NEGR1: variants seen among roughly 807,000 people sequenced by gnomAD.
The protein encoded by NEGR1 is IgLON family member 4.
NEGR1 carries 10 observed loss-of-function variants against 40.9 expected under a neutral mutation model. The ratio of observed to expected loss-of-function variants is 0.24; its 90% CI spans 0.15 to 0.42. The LOEUF is 0.42. NEGR1 is among the 10% of genes least tolerant of loss of function. NEGR1 has a pLI of 1.00. For missense variants in NEGR1, 352 were observed against 438.9 expected, an observed-to-expected ratio of 0.80 and a Z score of 1.77; for synonymous variants, 185 against 166.8, an observed-to-expected ratio of 1.11 and a Z score of -0.84.
At chr1:71,899,582 A>T (rs1661091290) in intron 2 of NEGR1, among the ~76,000 whole-genome samples, 1 of 152,210 alleles carries the variant, frequency 6.6e-6, no homozygotes, top group Non-Finnish European at 1.5e-5. Context: ...TCAGTTTTCC[A>T]GTATCTGCGT....
intron 2 of NEGR1, among the ~76,000 whole-genome samples, chr1:71,856,735 C>G (rs530310833): frequency 6.6e-6 from 1 of 152,018 alleles, no homozygotes; most frequent in African/African-American, 2.4e-5. Flanking sequence ...AAATACTCTA[C>G]AAAACCCCAA....
chr1:71,946,790 A>G (rs937926920), intron 1 of NEGR1, among the ~76,000 whole-genome samples: 4 of 152,040 alleles, frequency 2.6e-5, no homozygotes, highest in African/African-American at 9.7e-5. Context: ...ATATGATTGA[A>G]CAACTTTTAT....
intron 1 of NEGR1, among the ~76,000 whole-genome samples, chr1:72,231,089 T>A (rs760184054): frequency 1.3e-5 from 2 of 152,132 alleles, no homozygotes; most frequent in Non-Finnish European, 2.9e-5. Flanking sequence ...TGCATGAAAG[T>A]TGTTGGCTAG....
chr1:71,781,825 A>G (rs183473027), intron 2 of NEGR1, among the ~76,000 whole-genome samples: 3 of 152,296 alleles, frequency 2.0e-5, no homozygotes, highest in African/African-American at 7.2e-5. Context: ...TATGAGATCT[A>G]TTCTCCAAAT....
intron 4 of NEGR1, among the ~76,000 whole-genome samples, chr1:71,694,476 G>A (rs942556627): frequency 4.0e-5 from 6 of 151,572 alleles, no homozygotes; most frequent in African/African-American, 1.5e-4. Context: ...CTATAGTAAG[G>A]CTTTCTGTGA....
intron 3 of NEGR1, among the ~76,000 whole-genome samples, chr1:71,708,667 A>G (rs548596002): frequency 2.6e-5 from 4 of 152,092 alleles, no homozygotes; most frequent in African/African-American, 9.7e-5. Context: ...GTAAACATGT[A>G]TCATGGTAGT....
At chr1:71,477,150 A>C (rs1033937903) in intron 6 of NEGR1, among the ~76,000 whole-genome samples, 1 of 152,166 alleles carries the variant, frequency 6.6e-6, no homozygotes, top group African/African-American at 2.4e-5. Context: ...AAAATTGCTT[A>C]ACCAGTGCAG....
chr1:71,743,002 A>C (rs1175116021), intron 3 of NEGR1, among the ~76,000 whole-genome samples: 1 of 151,976 alleles, frequency 6.6e-6, no homozygotes, highest in African/African-American at 2.4e-5. Context: ...AAGAGAGGTT[A>C]TCTCTCTCTC....
At chr1:71,946,168 C>A (rs980134605) in intron 1 of NEGR1, among the ~76,000 whole-genome samples, 3 of 152,098 alleles carry the variant, frequency 2.0e-5, no homozygotes, top group African/African-American at 7.2e-5. Context: ...CCCGCCTTAG[C>A]CTCTCTCCAC....
At chr1:71,560,429 T>TATATATATATATATATA (rs1648410237) in intron 6 of NEGR1, among the ~76,000 whole-genome samples, 3 of 114,266 alleles carry the variant, frequency 2.6e-5, no homozygotes, top group Non-Finnish European at 3.7e-5. Flanking sequence ...TAATTCTCCA[T>TATATATATATATATATA]TATATATATA....
chr1:71,506,794 AAAAAACAAAAAC>A (rs756510628), intron 6 of NEGR1, among the ~76,000 whole-genome samples: 7 of 140,744 alleles, frequency 5.0e-5, no homozygotes, highest in African/African-American at 1.3e-4. Context: ...AGTGATGGAT[AAAAAACAAAAAC>A]AAAAACAAAA....
At chr1:71,500,948 C>A (rs1390218357) in intron 6 of NEGR1, among the ~76,000 whole-genome samples, 2 of 151,310 alleles carry the variant, frequency 1.3e-5, no homozygotes, top group Non-Finnish European at 3.0e-5. Context: ...TTATTGACTC[C>A]ACGAATGCAG....
At chr1:71,969,353 C>A (rs533101783) in intron 1 of NEGR1, among the ~76,000 whole-genome samples, 1 of 152,264 alleles carries the variant, frequency 6.6e-6, no homozygotes, top group East Asian at 1.9e-4. Context: ...CGTGCATATA[C>A]CATCATGTTC....
intron 1 of NEGR1, 112 bp from the exon 2 acceptor site, chr1:71,935,423 A>G (rs924938987): frequency 7.2e-6 from 5 of 695,888 alleles, no homozygotes; most frequent in African/African-American, 1.8e-5. Context: ...CATCAAATGC[A>G]AACATCAGAC....
At chr1:71,749,757 G>C (rs547772565) in intron 3 of NEGR1, among the ~76,000 whole-genome samples, 6 of 152,248 alleles carry the variant, frequency 3.9e-5, no homozygotes, top group African/African-American at 1.4e-4. Context: ...TTTAGAAGAG[G>C]CAATTAGTTG....
At chr1:71,442,637 T>A (rs540926216) in intron 6 of NEGR1, among the ~76,000 whole-genome samples, 40 of 152,102 alleles carry the variant, frequency 2.6e-4, no homozygotes, top group East Asian at 1.9e-4. Context: ...ATAAATAAAT[T>A]AATGAATTAA....
At chr1:71,512,350 T>C (rs1413399974) in intron 6 of NEGR1, among the ~76,000 whole-genome samples, 1 of 152,204 alleles carries the variant, frequency 6.6e-6, no homozygotes, top group Non-Finnish European at 1.5e-5. Context: ...GCAGATTATC[T>C]TGTGATAACA....
intron 1 of NEGR1, among the ~76,000 whole-genome samples, chr1:72,239,154 C>T (rs1557593027): frequency 6.6e-6 from 1 of 151,734 alleles, no homozygotes; most frequent in South Asian, 2.1e-4. Flanking sequence ...TTCAAAGATG[C>T]CAATGTCAAC....
chr1:71,511,330 A>G (rs1321889708), intron 6 of NEGR1, among the ~76,000 whole-genome samples: 1 of 152,218 alleles, frequency 6.6e-6, no homozygotes, highest in Non-Finnish European at 1.5e-5. Context: ...TCATGTATAA[A>G]TTGAGTTTTT....
Sources: allele counts gnomAD v4.1 joint callset (sites outside exome capture counted in the v4.1 genomes callset), GRCh38; gene constraint gnomAD v4.1.1; transcripts MANE v1.5; gene names NCBI Gene and HGNC (gene_info 2026-07-23, HGNC 2026-07-21).